VAV1: variants seen among roughly 807,000 people sequenced by gnomAD.
VAV1 encodes proto-oncogene vav.
Under a neutral mutation model 128.1 loss-of-function variants are expected in VAV1, and 33 were observed. The observed-to-expected ratio is 0.26, with a 90% CI of 0.20 to 0.34. VAV1 has a LOEUF of 0.34. Ranked by LOEUF, VAV1 falls within the 10% of genes least tolerant of loss-of-function variation. The pLI, the probability that VAV1 is intolerant of heterozygous loss-of-function variation, is 1.00. For synonymous variants in VAV1, 394 were observed against 409.8 expected (o/e 0.96, Z 0.47); for missense variants, 715 against 1,093.7 (o/e 0.65, Z 4.88).
intron 1 of VAV1, among the ~76,000 whole-genome samples, chr19:6,809,167 A>G (rs1234287522): frequency 6.6e-6 from 1 of 151,746 alleles, no homozygotes; most frequent in Non-Finnish European, 1.5e-5. Context: ...TGCAACCTCA[A>G]ACTCCTGGAC....
In VAV1 at chr19:6,829,544, G is replaced by A. The variant is rs77364774; in HGVS notation, c.1266-242G>A. Reference sequence around the variant, plus strand: ...GGTGGTAGACCCATCCAGAGAAGGCGGTGGAGCCTTGATGGACAGGCAGGA... The same window carrying A: ...GGTGGTAGACCCATCCAGAGAAGGCAGTGGAGCCTTGATGGACAGGCAGGA... On this transcript the variant is annotated intron_variant, in intron 13 of 26. Transcript: ENST00000602142. Among the ~76,000 whole-genome samples the A allele has an allele frequency of 1.1e-4, 16 of 152,268 alleles. No homozygotes were observed. The East Asian group carries it at 2.5e-3, about 24-fold the overall frequency.
At chr19:6,840,413 C>A (rs1972344439) in intron 21 of VAV1, among the ~76,000 whole-genome samples, 1 of 151,094 alleles carries the variant, frequency 6.6e-6, no homozygotes, top group South Asian at 2.1e-4. Flanking sequence ...TCACACCATT[C>A]TCCTGCCTCA....
At chr19:6,851,001 A>G (rs1247644157) in intron 24 of VAV1, among the ~76,000 whole-genome samples, 2 of 152,112 alleles carry the variant, frequency 1.3e-5, no homozygotes. Flanking sequence ...TTATTTATAC[A>G]TATATTCAAG....
intron 26 of VAV1, among the ~76,000 whole-genome samples, chr19:6,855,681 C>G (rs1272321699): frequency 6.6e-6 from 1 of 151,962 alleles, no homozygotes; most frequent in Non-Finnish European, 1.5e-5. Context: ...TAATCTATCT[C>G]TATATTTATC....
rs1463998670 is a variant in VAV1 at position 6,826,593 on chromosome 19, G to A, written c.828-19G>A. 2 of 1,544,286 alleles carry A rather than the reference G, an allele frequency of 1.3e-6. No homozygotes were observed. The highest frequency in any genetic ancestry group is 2.0e-5 in the Admixed American group (1 of 51,046). The stretch of plus-strand genomic sequence containing the variant: ...TGATGCCAGTCACCTTTACCTGGTG[G>A]CCTGTCTTCTCCCTGTAGGTTCCTC... On this transcript the variant is annotated intron_variant, in intron 8 of 26. Coordinates refer to ENST00000602142, the MANE Select transcript of VAV1 (RefSeq NM_005428.4). This position sits in a 1 kb window ranked among gnomAD's most constrained non-coding sequence, Gnocchi z 4.1.
chr19:6,849,286 T>A (rs1424048271), intron 23 of VAV1, among the ~76,000 whole-genome samples: 1 of 67,894 alleles, frequency 1.5e-5, no homozygotes, highest in Non-Finnish European at 2.3e-5. Flanking sequence ...GTTTCCAGCC[T>A]TTTTTTTTTT....
At chr19:6,845,746 T>A (rs1177044165) in intron 22 of VAV1, among the ~76,000 whole-genome samples, 4 of 148,470 alleles carry the variant, frequency 2.7e-5, no homozygotes, top group Non-Finnish European at 3.0e-5. Flanking sequence ...GATTTATAGG[T>A]TACCTATTTA....
chr19:6,774,184 A>G lies in VAV1; in HGVS notation c.204+1173A>G, dbSNP rs1055541814. ...ACTCTGTCACGCAGGCTGGAGTGCA[A>G]TGGCACCATCTCGGCTCATTGCAAG... On this transcript the variant is annotated intron_variant, in intron 1 of 26. Coordinates refer to ENST00000602142, the MANE Select transcript of VAV1 (RefSeq NM_005428.4). 9.9e-5 allele frequency among the ~76,000 whole-genome samples: 15 copies of G among 151,932 alleles called. No individual in the cohort carries two copies. The South Asian group carries it at 1.0e-3, about 11-fold the overall frequency.
rs1232816307 is a variant in VAV1, at chr19:6,833,748, T to C, written c.1731+15T>C. 6.2e-7 allele frequency: 1 copy of C among 1,614,166 alleles called. No homozygotes were observed. The highest frequency in any genetic ancestry group is 1.1e-5 in the South Asian group (1 of 91,082). On this transcript the variant is annotated intron_variant, in intron 18 of 26. Coordinates refer to ENST00000602142, the MANE Select transcript of VAV1 (RefSeq NM_005428.4). ...CTATGAAGAAGGTAAGACTTTCCCG[T>C]GGTCCTTCCTGTGTACCACAAATAA...
intron 22 of VAV1, among the ~76,000 whole-genome samples, chr19:6,846,794 AATAG>A (rs1221653633): frequency 4.1e-5 from 6 of 147,834 alleles, no homozygotes; most frequent in Non-Finnish European, 8.9e-5. Flanking sequence ...AGCTATCTAC[AATAG>A]ATAGTTATAT....
intron 23 of VAV1, among the ~76,000 whole-genome samples, chr19:6,849,095 T>A (rs1170630089): frequency 2.6e-5 from 4 of 151,810 alleles, no homozygotes; most frequent in African/African-American, 9.7e-5. Context: ...CTATATATTT[T>A]TTTTTTCAAC....
rs1971765599 is a variant in VAV1 at position 6,820,878 on chromosome 19, A to G, written c.321+60A>G. 1 of 1,518,624 alleles carries G rather than the reference A, an allele frequency of 6.6e-7. No homozygotes were observed. The highest frequency in any genetic ancestry group is 1.1e-5 in the South Asian group (1 of 88,850). The allele number at this position is 1,518,624 out of a possible 1,614,324, so 94.1% of individuals were successfully genotyped here. ...TCAGTTAATTTCTATTGACGTCTAC[A>G]CTGGGCAAGCTAAGGACTGTCAGGG... On this transcript the variant is annotated intron_variant, in intron 2 of 26. Transcript: ENST00000602142. This position sits in a 1 kb window ranked among gnomAD's most constrained non-coding sequence, Gnocchi z 4.4.
rs995894543 is a variant in VAV1, at chr19:6,792,642, G to T, written c.204+19631G>T. 6.6e-5 allele frequency among the ~76,000 whole-genome samples: 10 copies of T among 151,874 alleles called. 1 individual carries two copies. The highest frequency in any genetic ancestry group is 1.5e-5 in the Non-Finnish European group (1 of 67,966). ...GCCCAGGCTGCTCTTGACATCCTGG[G>T]CTCAGGTGATCCTCCCATCCCAGCC... On this transcript the variant is annotated intron_variant, in intron 1 of 26. Coordinates refer to ENST00000602142, the MANE Select transcript of VAV1 (RefSeq NM_005428.4).
Position 6,821,790 on chromosome 19 carries a change from G to A in VAV1, c.381-1G>A. 6.2e-7 allele frequency: 1 copy of A among 1,614,130 alleles called. No homozygotes were observed. Among genetic ancestry groups the A allele is most frequent in the Non-Finnish European group, 8.5e-7 (1 of 1,180,014 alleles). ...TGGCTCACACCCTCCTGACCCCCCA[G>A]GCCCTTCCCCACCGAGGAGGAGAGT... On this transcript the variant is annotated splice_acceptor_variant, in intron 3 of 26. Transcript: ENST00000602142. LOFTEE classifies it high-confidence loss of function.
At chr19:6,816,109 T>C (rs1971640299) in intron 1 of VAV1, among the ~76,000 whole-genome samples, 1 of 147,370 alleles carries the variant, frequency 6.8e-6, no homozygotes, top group African/African-American at 2.5e-5. Context: ...AAGCTCCGCC[T>C]CCTGGGTTCA....
At chr19:6,787,324 C>T (rs1970915681) in intron 1 of VAV1, among the ~76,000 whole-genome samples, 1 of 152,042 alleles carries the variant, frequency 6.6e-6, no homozygotes, top group South Asian at 2.1e-4. Flanking sequence ...TACAGGTGCA[C>T]ACCACAATGC....
At chr19:6,809,552 A>G (rs1289871102) in intron 1 of VAV1, among the ~76,000 whole-genome samples, 1 of 152,090 alleles carries the variant, frequency 6.6e-6, no homozygotes, top group Non-Finnish European at 1.5e-5. Context: ...GAGGTAAGTG[A>G]GAAAAAAAAG....
chr19:6,838,983 ACCTCCG>A (rs1385789843), intron 21 of VAV1, among the ~76,000 whole-genome samples: 1 of 151,548 alleles, frequency 6.6e-6, no homozygotes, highest in Non-Finnish European at 1.5e-5. Flanking sequence ...GCTCATTGCA[ACCTCCG>A]CCTTCCGGTT....
rs1971803559 is a variant in VAV1, at chr19:6,822,083, G to A, written c.450-138G>A. 5.0e-6 allele frequency: 5 copies of A among 1,009,710 alleles called. No individual in the cohort carries two copies. Among genetic ancestry groups the A allele is most frequent in the Non-Finnish European group, 7.4e-6 (5 of 678,166 alleles). 62.5% of individuals were successfully genotyped at this position (1,009,710 alleles called of 1,614,324 possible). A position where few individuals can be genotyped will look rare whatever the true frequency, so the allele number is the denominator to read the frequency against. On this transcript the variant is annotated intron_variant, in intron 4 of 26. Coordinates refer to ENST00000602142, the MANE Select transcript of VAV1 (RefSeq NM_005428.4). The surrounding 1 kb of genome is among the most constrained non-coding windows in gnomAD (Gnocchi z 5.9). The stretch of plus-strand genomic sequence containing the variant: ...GGGACATGGCCCTGCCCTGGAGCTT[G>A]GAGGGACATGGCCTGCCCTTGGAGT...
Sources: gnomAD v4.1 joint callset for allele counts (sites outside exome capture counted in the v4.1 genomes callset) on GRCh38, gnomAD v4.1.1 for gene constraint, Gnocchi (gnomAD v3.1) non-coding constraint, MANE v1.5 for transcripts, NCBI Gene and HGNC (gene_info 2026-07-23, HGNC 2026-07-21) for gene names.